Variants in PVT1 observed in about 807,000 individuals in gnomAD.
The protein encoded by PVT1 is Pvt1 oncogene.
chr8:127,894,175 G>A (rs112277570), intron 3 of PVT1, among the ~76,000 whole-genome samples: 89 of 152,304 alleles, frequency 5.8e-4, no homozygotes, highest in African/African-American at 1.6e-3. Context: ...CACCTACACT[G>A]ACATCCTGGC....
chr8:128,042,464 T>C (rs539493562), intron 4 of PVT1, among the ~76,000 whole-genome samples: 23 of 152,278 alleles, frequency 1.5e-4, no homozygotes, highest in African/African-American at 5.5e-4. Context: ...AGAACACCAC[T>C]TCCCCCCAAG....
chr8:127,952,033 C>G (rs1030676694), intron 3 of PVT1, among the ~76,000 whole-genome samples: 5 of 152,116 alleles, frequency 3.3e-5, no homozygotes, highest in Non-Finnish European at 7.4e-5. Context: ...CCAGGCTGCT[C>G]TCGAACTCCT....
intron 2 of PVT1, among the ~76,000 whole-genome samples, chr8:127,839,238 C>G (rs1489784729): frequency 6.6e-6 from 1 of 152,048 alleles, no homozygotes; most frequent in Non-Finnish European, 1.5e-5. Flanking sequence ...CTAACTTGGC[C>G]CAAGGTCACC....
intron 3 of PVT1, among the ~76,000 whole-genome samples, chr8:127,909,730 C>T (rs924720854): frequency 6.6e-6 from 1 of 152,048 alleles, no homozygotes; most frequent in Admixed American, 6.6e-5. Flanking sequence ...TAGGGGTCCC[C>T]AGAATTGGGG....
At chr8:127,925,633 A>G (rs1816120597) in intron 3 of PVT1, among the ~76,000 whole-genome samples, 1 of 103,742 alleles carries the variant, frequency 9.6e-6, no homozygotes, top group Non-Finnish European at 2.0e-5. Flanking sequence ...TGAATTTTAG[A>G]GGTTTTTTGT....
At chr8:127,874,888 C>T (rs143436782) in intron 2 of PVT1, among the ~76,000 whole-genome samples, 1 of 150,094 alleles carries the variant, frequency 6.7e-6, no homozygotes, top group East Asian at 1.9e-4. Flanking sequence ...GCTCTGCAGT[C>T]TTGGTTGGCC....
At chr8:128,085,051 A>G (rs1467465545) in intron 5 of PVT1, among the ~76,000 whole-genome samples, 1 of 152,192 alleles carries the variant, frequency 6.6e-6, no homozygotes, top group Non-Finnish European at 1.5e-5. Context: ...GATGGGATAT[A>G]TGACTTTTCC....
chr8:127,914,989 C>A (rs1815964983), intron 3 of PVT1, among the ~76,000 whole-genome samples: 1 of 151,952 alleles, frequency 6.6e-6, no homozygotes, highest in African/African-American at 2.4e-5. Context: ...TCACACCCGG[C>A]TAATTTTGTA....
intron 3 of PVT1, among the ~76,000 whole-genome samples, chr8:127,921,854 G>GTTTTTTTTTTTTTTTTTTTTTTTTTT (rs71300279): frequency 1.1e-4 from 8 of 71,924 alleles, no homozygotes; most frequent in African/African-American, 3.0e-4. Flanking sequence ...TTTGGTTCAT[G>GTTTTTTTTTTTTTTTTTTTTTTTTTT]TTTTTTTTTT....
At chr8:127,802,164 C>G (rs1386240593) in intron 2 of PVT1, among the ~76,000 whole-genome samples, 1 of 152,174 alleles carries the variant, frequency 6.6e-6, no homozygotes, top group Non-Finnish European at 1.5e-5. Context: ...ATCCATCCCA[C>G]TCAGCTTTCC....
intron 5 of PVT1, among the ~76,000 whole-genome samples, chr8:128,078,278 G>A (rs182149007): frequency 3.9e-5 from 6 of 152,330 alleles, no homozygotes; most frequent in African/African-American, 1.4e-4. Context: ...CTGGGTAGGC[G>A]AGTGAGTGAG....
At chr8:127,920,530 G>A (rs774723957) in intron 3 of PVT1, among the ~76,000 whole-genome samples, 7 of 152,130 alleles carry the variant, frequency 4.6e-5, no homozygotes, top group South Asian at 2.1e-4. Flanking sequence ...GAATTAGTAC[G>A]TTTAAAGGCT....
intron 2 of PVT1, among the ~76,000 whole-genome samples, chr8:127,878,651 C>T (rs1815431562): frequency 6.6e-6 from 1 of 152,126 alleles, no homozygotes; most frequent in African/African-American, 2.4e-5. Context: ...CTGGTCTGGT[C>T]TAGTTAATTA....
chr8:127,981,420 C>A (rs1307022884), intron 3 of PVT1, among the ~76,000 whole-genome samples: 1 of 152,198 alleles, frequency 6.6e-6, no homozygotes, highest in Non-Finnish European at 1.5e-5. Flanking sequence ...TGCTGCACAG[C>A]CTGGCATGTG....
intron 2 of PVT1, among the ~76,000 whole-genome samples, chr8:127,862,515 G>A (rs996478847): frequency 1.3e-5 from 2 of 152,104 alleles, no homozygotes; most frequent in Non-Finnish European, 2.9e-5. Flanking sequence ...ATAGTTCATA[G>A]CTTAGACCTC....
intron 2 of PVT1, among the ~76,000 whole-genome samples, chr8:127,876,939 C>T (rs1380613551): frequency 6.6e-6 from 1 of 152,238 alleles, no homozygotes; most frequent in Non-Finnish European, 1.5e-5. Context: ...TAGAGACCTG[C>T]TTCTGAGAAA....
At chr8:127,985,771 C>T (rs1306262946) in intron 3 of PVT1, among the ~76,000 whole-genome samples, 1 of 152,220 alleles carries the variant, frequency 6.6e-6, no homozygotes, top group Non-Finnish European at 1.5e-5. Context: ...CCATCTACAG[C>T]TCTTGCAGGT....
chr8:127,984,350 C>T (rs1346935057), intron 3 of PVT1: 3 of 152,272 alleles, frequency 2.0e-5, no homozygotes, highest in Non-Finnish European at 4.4e-5. Context: ...GATAAGAAAA[C>T]GGAGCCATCG....
chr8:127,796,263 A>G (rs1446176290), intron 2 of PVT1, among the ~76,000 whole-genome samples: 4 of 151,620 alleles, frequency 2.6e-5, no homozygotes, highest in African/African-American at 9.7e-5. Flanking sequence ...TTTTTTTCTG[A>G]TTAACTTTCC....
Sources: allele counts gnomAD v4.1 joint callset (sites outside exome capture counted in the v4.1 genomes callset), GRCh38; gene constraint gnomAD v4.1.1; transcripts MANE v1.5; gene names NCBI Gene and HGNC (gene_info 2026-07-23, HGNC 2026-07-21).